RPS6KA2: variants seen among roughly 807,000 people sequenced by gnomAD.
RPS6KA2 encodes the protein ribosomal protein S6 kinase alpha-2.
Under a neutral mutation model 91.8 loss-of-function variants are expected in RPS6KA2, and 42 were observed. The observed-to-expected ratio is 0.46, with a 90% CI of 0.36 to 0.59. RPS6KA2 has a LOEUF of 0.59. RPS6KA2 is among the 20% of genes least tolerant of loss of function. RPS6KA2 has a pLI of 0.00. For synonymous variants in RPS6KA2, 414 were observed against 393.6 expected, an observed-to-expected ratio of 1.05 and a Z score of -0.61; for missense variants, 798 against 978.5, an observed-to-expected ratio of 0.82 and a Z score of 2.46.
intron 2 of RPS6KA2, among the ~76,000 whole-genome samples, chr6:166,634,332 G>A (rs1787169000): frequency 1.3e-5 from 2 of 152,188 alleles, no homozygotes; most frequent in African/African-American, 4.8e-5. Flanking sequence ...AGACCCACGG[G>A]CTGAGGGGAA....
At chr6:166,544,126 A>G (rs1339268022) in intron 1 of RPS6KA2, among the ~76,000 whole-genome samples, 3 of 152,178 alleles carry the variant, frequency 2.0e-5, no homozygotes, top group African/African-American at 7.2e-5. Context: ...GCCTCTGCGT[A>G]TTCCTTACTC....
intron 2 of RPS6KA2, among the ~76,000 whole-genome samples, chr6:166,734,904 T>C (rs1015688144): frequency 4.6e-5 from 7 of 152,226 alleles, no homozygotes; most frequent in African/African-American, 1.7e-4. Flanking sequence ...TATCACAGAT[T>C]TTGAAAGTTC....
At chr6:166,592,190 T>C (rs1562328682) in intron 1 of RPS6KA2, among the ~76,000 whole-genome samples, 2 of 152,146 alleles carry the variant, frequency 1.3e-5, no homozygotes, top group Admixed American at 1.3e-4. Flanking sequence ...TCACATATTA[T>C]AAATAGTAGC....
chr6:166,451,297 AGT>A (rs1401097119), intron 12 of RPS6KA2, 64 bp from the exon 13 acceptor site: 22 of 1,572,872 alleles, frequency 1.4e-5, no homozygotes, highest in Admixed American at 1.2e-4. Flanking sequence ...GTGAAGTGAT[AGT>A]GTGTGTGTGC....
intron 2 of RPS6KA2, among the ~76,000 whole-genome samples, chr6:166,840,925 T>C (rs930049277): frequency 6.6e-6 from 1 of 151,314 alleles, no homozygotes; most frequent in Non-Finnish European, 1.5e-5. Context: ...ATCGTGCCAT[T>C]ACACTCCAGC....
intron 2 of RPS6KA2, among the ~76,000 whole-genome samples, chr6:166,657,106 G>A (rs1040357903): frequency 2.2e-4 from 34 of 152,122 alleles, no homozygotes; most frequent in Admixed American, 2.0e-3. Flanking sequence ...GGCTGGAGCT[G>A]CGGAGCACCA....
intron 2 of RPS6KA2, among the ~76,000 whole-genome samples, chr6:166,750,547 G>A (rs896144623): frequency 4.1e-4 from 63 of 152,178 alleles, no homozygotes; most frequent in Admixed American, 3.8e-3. Flanking sequence ...ACTGCCCTCC[G>A]TGCCTCTTCT....
intron 2 of RPS6KA2, among the ~76,000 whole-genome samples, chr6:166,709,620 T>G (rs1583039128): frequency 6.6e-6 from 1 of 152,388 alleles, no homozygotes; most frequent in East Asian, 1.9e-4. Flanking sequence ...GATCCTGATG[T>G]GCAGATGGGT....
chr6:166,680,281 ACTCTGTCAAAACTGACCAATCAGCT>A, intron 2 of RPS6KA2, among the ~76,000 whole-genome samples: 1 of 152,338 alleles, frequency 6.6e-6, no homozygotes, highest in Non-Finnish European at 1.5e-5. Context: ...ACCAATCAGC[ACTCTGTCAAAACTGACCAATCAGCT>A]CTCTGTAAAA....
chr6:166,824,729 G>GTA (rs1779995478), intron 2 of RPS6KA2, among the ~76,000 whole-genome samples: 4 of 149,814 alleles, frequency 2.7e-5, no homozygotes, highest in Admixed American at 6.7e-5. Flanking sequence ...GTGTATGTCT[G>GTA]TGTCTGTGTG....
chr6:166,711,354 C>CA (rs1245213516), intron 2 of RPS6KA2, among the ~76,000 whole-genome samples: 2 of 146,300 alleles, frequency 1.4e-5, no homozygotes, highest in African/African-American at 2.5e-5. Context: ...GTCTAGGTTC[C>CA]AATTTAAAAA....
At chr6:166,581,087 TA>T (rs1178857382) in intron 1 of RPS6KA2, among the ~76,000 whole-genome samples, 1 of 152,030 alleles carries the variant, frequency 6.6e-6, no homozygotes, top group Non-Finnish European at 1.5e-5. Flanking sequence ...TTTTAGTAGA[TA>T]GGGGTTTTGC....
intron 2 of RPS6KA2, among the ~76,000 whole-genome samples, chr6:166,674,451 C>A (rs1788563811): frequency 6.6e-6 from 1 of 152,074 alleles, no homozygotes; most frequent in Non-Finnish European, 1.5e-5. Flanking sequence ...CAGGGGTGGT[C>A]TGTCTGAGCA....
rs1173586911 is a variant in RPS6KA2, at chr6:166,554,627, T to C, written c.100-15843A>G. 1.3e-5 allele frequency among the ~76,000 whole-genome samples: 2 copies of C among 152,118 alleles called. No individual in the cohort carries two copies. Among genetic ancestry groups the C allele is most frequent in the African/African-American group, 4.8e-5 (2 of 41,424 alleles). ...GCGGGTGGCCATGGGGGGGTGGGGGTCCCACTCCAGCACAGGACTCCATCC... is the reference window on the plus strand; with the variant it reads ...GCGGGTGGCCATGGGGGGGTGGGGGCCCCACTCCAGCACAGGACTCCATCC... On this transcript the variant is annotated intron_variant, in intron 1 of 20. Transcript: ENST00000265678. This position sits in a 1 kb window ranked among gnomAD's most constrained non-coding sequence, Gnocchi z 4.3.
intron 3 of RPS6KA2, among the ~76,000 whole-genome samples, chr6:166,529,856 C>G (rs999314481): frequency 2.0e-5 from 3 of 152,230 alleles, no homozygotes; most frequent in Non-Finnish European, 4.4e-5. Flanking sequence ...AAGTGGTCAA[C>G]TTCTGCATTT....
intron 2 of RPS6KA2, among the ~76,000 whole-genome samples, chr6:166,660,777 G>A (rs1006303090): frequency 1.3e-4 from 20 of 152,046 alleles, no homozygotes; most frequent in Admixed American, 9.2e-4. Flanking sequence ...GTTTTCTGAC[G>A]GCTGCATAAT....
intron 12 of RPS6KA2, among the ~76,000 whole-genome samples, chr6:166,452,180 T>C (rs1374139846): frequency 6.6e-6 from 1 of 152,124 alleles, no homozygotes; most frequent in Non-Finnish European, 1.5e-5. Flanking sequence ...CTTATAATTG[T>C]AGGAGGGAGC....
At chr6:166,543,546 ACT>A (rs925509482) in intron 1 of RPS6KA2, among the ~76,000 whole-genome samples, 2 of 151,400 alleles carry the variant, frequency 1.3e-5, no homozygotes, top group African/African-American at 4.9e-5. Flanking sequence ...CACTTGAAAC[ACT>A]CTCTTCACCT....
intron 2 of RPS6KA2, among the ~76,000 whole-genome samples, chr6:166,800,387 C>T (rs1012887056): frequency 3.9e-5 from 6 of 152,186 alleles, no homozygotes; most frequent in Admixed American, 3.3e-4. Flanking sequence ...ACATCCAGGG[C>T]GCTGAATGCC....
Sources: allele counts gnomAD v4.1 joint callset (sites outside exome capture counted in the v4.1 genomes callset), GRCh38; gene constraint gnomAD v4.1.1; non-coding constraint Gnocchi (gnomAD v3.1); transcripts MANE v1.5; gene names NCBI Gene and HGNC (gene_info 2026-07-23, HGNC 2026-07-21).